TSC2: variants seen among roughly 807,000 people sequenced by gnomAD.
TSC2 encodes tuberin.
A neutral mutation model predicts 202.2 loss-of-function variants in TSC2; 29 were observed. The observed-to-expected ratio is 0.14, with a 90% CI of 0.11 to 0.20. The LOEUF (loss-of-function observed/expected upper bound fraction) is 0.20. TSC2 is among the 10% of genes least tolerant of loss of function. TSC2 has a pLI of 1.00. For missense variants in TSC2, 2,429 were observed against 2,420.0 expected (o/e 1.00, Z -0.08); for synonymous variants, 1,349 against 1,044.0 (o/e 1.29, Z -5.63).
intron 3 of TSC2, among the ~76,000 whole-genome samples, chr16:2,050,995 C>T (rs999933540): frequency 1.3e-5 from 2 of 152,084 alleles, no homozygotes; most frequent in African/African-American, 4.8e-5. Context: ...AAATGGGGAG[C>T]AAAGGGATTA....
Position 2,064,071 on chromosome 16 carries a change from G to A in TSC2, c.1444-201G>A, listed in dbSNP as rs60763712. ...TGCGGTGCTCACCAGCCTTCTGAACGAGGAGCTGGACAGGATCCCTGGAAG... is the reference window on the plus strand; with the variant it reads ...TGCGGTGCTCACCAGCCTTCTGAACAAGGAGCTGGACAGGATCCCTGGAAG... On this transcript the variant is annotated intron_variant, in intron 14 of 41. Coordinates refer to ENST00000219476, the MANE Select transcript of TSC2 (RefSeq NM_000548.5). 10,293 of 767,006 alleles carry A rather than the reference G, an allele frequency of 0.013. 743 individuals are homozygous for A. In the African/African-American group the frequency reaches 0.15, roughly 11 times the overall value. The allele number at this position is 767,006 out of a possible 1,614,324, so 47.5% of individuals were successfully genotyped here.
At chr16:2,049,711 A>G (rs1031278074) in intron 2 of TSC2, among the ~76,000 whole-genome samples, 3 of 151,614 alleles carry the variant, frequency 2.0e-5, no homozygotes, top group African/African-American at 7.2e-5. Context: ...CTGTAATTCC[A>G]GCTACTCGGG....
At chr16:2,086,105 C>A in intron 36 of TSC2, 88 bp from the exon 37 acceptor site, 1 of 1,526,056 alleles carries the variant, frequency 6.6e-7, no homozygotes, top group Non-Finnish European at 9.0e-7. Flanking sequence ...GTGGGGCTCC[C>A]GGCAGAGCCT....
intron 22 of TSC2, chr16:2,074,680 A>G (rs2089012258): frequency 9.9e-6 from 5 of 504,722 alleles, no homozygotes; most frequent in African/African-American, 7.7e-5. Context: ...TCTGTCCAAC[A>G]GAGCACACGC....
intron 36 of TSC2, 124 bp from the exon 37 acceptor site, chr16:2,086,069 T>C: frequency 8.9e-7 from 1 of 1,123,368 alleles, no homozygotes; most frequent in African/African-American, 1.5e-5. Flanking sequence ...CTGGAATGGA[T>C]GGTCTTGTCT....
At chr16:2,051,595 G>C (rs2085134251) in intron 3 of TSC2, among the ~76,000 whole-genome samples, 1 of 152,208 alleles carries the variant, frequency 6.6e-6, no homozygotes, top group Non-Finnish European at 1.5e-5. Flanking sequence ...GGGAGTGCAG[G>C]TTGCTGGTAG....
chr16:2,074,068 C>G (rs2088891585), intron 21 of TSC2, 132 bp from the exon 22 acceptor site: 6 of 1,183,232 alleles, frequency 5.1e-6, no homozygotes, highest in Non-Finnish European at 3.6e-6. Flanking sequence ...ACTGCTGGCT[C>G]TGCCCCACAG....
intron 30 of TSC2, chr16:2,080,678 G>A (rs1020961691): frequency 5.4e-5 from 21 of 389,360 alleles, no homozygotes; most frequent in Admixed American, 1.5e-4. Flanking sequence ...TAGAGATGGG[G>A]TTTCACTGTG....
chr16:2,049,879 A>G (rs1162955489), intron 2 of TSC2, among the ~76,000 whole-genome samples: 1 of 152,152 alleles, frequency 6.6e-6, no homozygotes, highest in East Asian at 1.9e-4. Context: ...ATCTCAATAC[A>G]ACATTTGCAG....
At position 2,088,319 on chromosome 16, in the gene TSC2, CCAGCGGGTAGGGAATATGGGGCTCCCT is replaced by C. The variant is rs759520580; in HGVS notation, c.5259+2_5259+28del. 3.1e-6 allele frequency: 5 copies of C among 1,612,772 alleles called. No individual in the cohort carries two copies. The highest frequency in any genetic ancestry group is 4.2e-6 in the Non-Finnish European group (5 of 1,180,026). ...GGCTCCGCCACATCAAGCGGCTCCGCCAGCGGGTAGGGAATATGGGGCTCCCTCAGCGGGGTGTGCTGGCTGCCCAAG... is the reference window on the plus strand; with the variant it reads ...GGCTCCGCCACATCAAGCGGCTCCGCCAGCGGGGTGTGCTGGCTGCCCAAG... On this transcript the variant is annotated splice_donor_variant and splice_donor_5th_base_variant and coding_sequence_variant and intron_variant, in exon 41 of 42. Coordinates refer to ENST00000219476, the MANE Select transcript of TSC2 (RefSeq NM_000548.5). LOFTEE classifies it high-confidence loss of function.
At position 2,055,290 on chromosome 16, in the gene TSC2, A is replaced by G. The variant is rs2085632674; in HGVS notation, c.482-112A>G. On this transcript the variant is annotated intron_variant, in intron 5 of 41. Transcript: ENST00000219476. ...GTCTGTTGCTGCCGGGGGACTGATG[A>G]TGGGGTTTCTGGCAGTGACGGGTTT... The G allele has an allele frequency of 1.6e-5, 14 of 854,992 alleles. No individual in the cohort carries two copies. The South Asian group carries it at 1.7e-4, about 10-fold the overall frequency. The allele number at this position is 854,992 out of a possible 1,614,324, so 53.0% of individuals were successfully genotyped here. A position where few individuals can be genotyped will look rare whatever the true frequency, so the allele number is the denominator to read the frequency against.
At chr16:2,063,161 G>A (rs985247883) in intron 14 of TSC2, 108 bp downstream of exon 14, 19 of 1,324,206 alleles carry the variant, frequency 1.4e-5, no homozygotes, top group African/African-American at 8.7e-5. Context: ...CTGGGACTTC[G>A]GTCCTGCCGG....
At chr16:2,072,697 A>AAGGGAGGCCCTTCCTGGG (rs1202567925) in intron 20 of TSC2, 152 bp from the exon 21 acceptor site, 75 of 1,308,808 alleles carry the variant, frequency 5.7e-5, no homozygotes, top group Non-Finnish European at 8.0e-5. Flanking sequence ...ACCACTCCGA[A>AAGGGAGGCCCTTCCTGGG]AGGGAGGCCC....
intron 30 of TSC2, chr16:2,080,655 T>A: frequency 2.2e-6 from 1 of 444,848 alleles, no homozygotes; most frequent in Non-Finnish European, 4.2e-6. Context: ...GGCCAATTTT[T>A]TTGTATTTCT....
chr16:2,087,771 G>T, intron 38 of TSC2, 92 bp from the exon 39 acceptor site: 2 of 1,450,474 alleles, frequency 1.4e-6, no homozygotes, highest in Non-Finnish European at 1.9e-6. Context: ...CCATGGAGCT[G>T]ACAGGTGTCT....
intron 2 of TSC2, 144 bp from the exon 3 acceptor site, chr16:2,050,256 C>A: frequency 2.3e-6 from 2 of 860,278 alleles, no homozygotes; most frequent in Non-Finnish European, 3.8e-6. Context: ...CGCGGCTCGT[C>A]AAGTGAATCT....
chr16:2,078,764 G>C, intron 26 of TSC2: 1 of 536,756 alleles, frequency 1.9e-6, no homozygotes, highest in Non-Finnish European at 3.4e-6. Context: ...GCTCCCGTGG[G>C]CTTCGGTGAG....
In TSC2 at chr16:2,056,699, G is replaced by A. The variant is rs397514957; in HGVS notation, c.704G>A (p.Ser235Asn). The A allele has an allele frequency of 2.2e-5, 35 of 1,612,464 alleles. No homozygotes were observed. The South Asian group carries it at 2.4e-4, about 11-fold the overall frequency. Residue 235 changes from serine (S) to asparagine (N), a missense_variant, in exon 8 of 42, where the codon AGC becomes AAC. Transcript: ENST00000219476. Reference protein sequence around the residue: ...VVCYNCLPAESLPLFIVTLCR... With the variant: ...VVCYNCLPAENLPLFIVTLCR... Reference sequence around the variant, plus strand: ...TGCTACAACTGCCTGCCGGCTGAGAGCCTCCCGCTGTTCATCGTTACCCTC... The same window carrying A: ...TGCTACAACTGCCTGCCGGCTGAGAACCTCCCGCTGTTCATCGTTACCCTC...
At chr16:2,056,066 T>C in intron 6 of TSC2, 130 bp from the exon 7 acceptor site, 1 of 1,169,630 alleles carries the variant, frequency 8.5e-7, no homozygotes, top group Non-Finnish European at 1.2e-6. Context: ...GAGTGCTTGT[T>C]GGGTGGGTGG....
Sources: gnomAD v4.1 joint callset for allele counts (sites outside exome capture counted in the v4.1 genomes callset) on GRCh38, gnomAD v4.1.1 for gene constraint, MANE v1.5 for transcripts, NCBI Gene and HGNC (gene_info 2026-07-23, HGNC 2026-07-21) for gene names.